The following MTA3 variants were observed in gnomAD, a reference collection of about 807,000 sequenced individuals.
The protein encoded by MTA3 is metastasis-associated protein MTA3.
Under a neutral mutation model 83.5 loss-of-function variants are expected in MTA3, and 34 were observed. The ratio of observed to expected loss-of-function variants is 0.41; its 90% CI spans 0.31 to 0.54. The LOEUF (loss-of-function observed/expected upper bound fraction) is 0.54. Among genes scored for constraint, MTA3 ranks in the 20% least tolerant of loss-of-function variants. The probability of loss-of-function intolerance (pLI) is 0.33; values close to 1 mark genes in which losing one functional copy is unlikely to be tolerated. For missense variants in MTA3, 761 were observed against 726.4 expected, an observed-to-expected ratio of 1.05 and a Z score of -0.55; for synonymous variants, 303 against 252.7, an observed-to-expected ratio of 1.20 and a Z score of -1.89.
At chr2:42,555,666 G>A (rs577137118) in intron 2 of MTA3, among the ~76,000 whole-genome samples, 3 of 151,998 alleles carry the variant, frequency 2.0e-5, no homozygotes, top group Non-Finnish European at 4.4e-5. Context: ...TACTTGGGAG[G>A]CTGAGGCAGG....
intron 3 of MTA3, among the ~76,000 whole-genome samples, chr2:42,597,034 A>G (rs943587275): frequency 6.6e-6 from 1 of 150,636 alleles, no homozygotes; most frequent in Admixed American, 6.6e-5. Context: ...CCTCCTGAGT[A>G]GCTGGGACAA....
At chr2:42,557,193 A>T (rs1394995277) in intron 2 of MTA3, among the ~76,000 whole-genome samples, 2 of 152,138 alleles carry the variant, frequency 1.3e-5, no homozygotes, top group Non-Finnish European at 2.9e-5. Flanking sequence ...CAGTGAGCAG[A>T]TATCGCACCA....
At chr2:42,598,748 C>T (rs1486979800) in intron 3 of MTA3, among the ~76,000 whole-genome samples, 3 of 152,166 alleles carry the variant, frequency 2.0e-5, no homozygotes, top group Non-Finnish European at 2.9e-5. Flanking sequence ...TACCTTATTA[C>T]CCTTCCTGTG....
chr2:42,739,906 C>T (rs1442115222), intron 16 of MTA3, among the ~76,000 whole-genome samples: 3 of 152,222 alleles, frequency 2.0e-5, no homozygotes, highest in Admixed American at 6.5e-5. Flanking sequence ...AGCAATTTAG[C>T]CACATCTTCA....
chr2:42,567,697 T>C (rs1470258730), upstream of MTA3, among the ~76,000 whole-genome samples: 1 of 152,098 alleles, frequency 6.6e-6, no homozygotes, highest in Non-Finnish European at 1.5e-5. Flanking sequence ...AAACAGAGGT[T>C]GTTTAGAGAA....
intron 2 of MTA3, among the ~76,000 whole-genome samples, chr2:42,577,105 A>ATATAT (rs1553347510): frequency 1.2e-3 from 100 of 86,916 alleles, no homozygotes; most frequent in African/African-American, 5.0e-3. Flanking sequence ...AAAAAAAAAA[A>ATATAT]ATATATATAT....
intron 2 of MTA3, among the ~76,000 whole-genome samples, chr2:42,577,768 C>T (rs564548420): frequency 5.9e-5 from 9 of 152,162 alleles, no homozygotes; most frequent in South Asian, 2.1e-4. Flanking sequence ...TGTGAGCCAC[C>T]GCACCCGGCC....
At chr2:42,699,710 A>G (rs1439351044) in intron 11 of MTA3, among the ~76,000 whole-genome samples, 1 of 152,166 alleles carries the variant, frequency 6.6e-6, no homozygotes, top group African/African-American at 2.4e-5. Context: ...TGTTAAGCTC[A>G]GAAACTGTGG....
intron 2 of MTA3, among the ~76,000 whole-genome samples, chr2:42,529,486 G>C (rs1675861093): frequency 6.6e-6 from 1 of 152,190 alleles, no homozygotes; most frequent in Non-Finnish European, 1.5e-5. Flanking sequence ...AAGAGAGAAA[G>C]ACCTTCTGCA....
intron 2 of MTA3, among the ~76,000 whole-genome samples, chr2:42,533,831 CAA>C (rs11362156): frequency 0.37 from 42,732 of 114,958 alleles, 6,341 homozygotes; most frequent in South Asian, 0.42. Flanking sequence ...GACTCCGTCT[CAA>C]AAAAAAAAAA....
chr2:42,662,030 CT>C (rs1283044985), intron 8 of MTA3, among the ~76,000 whole-genome samples: 2 of 152,018 alleles, frequency 1.3e-5, no homozygotes, highest in Non-Finnish European at 2.9e-5. Context: ...CATAAATATT[CT>C]TTTGCATATG....
At chr2:42,618,029 C>CA (rs1685116155) in intron 4 of MTA3, among the ~76,000 whole-genome samples, 1 of 151,972 alleles carries the variant, frequency 6.6e-6, no homozygotes, top group Non-Finnish European at 1.5e-5. Flanking sequence ...ACTGTAGCCT[C>CA]AAACTTCTGG....
chr2:42,677,452 C>T (rs969950653), intron 8 of MTA3, among the ~76,000 whole-genome samples: 1 of 152,114 alleles, frequency 6.6e-6, no homozygotes, highest in Non-Finnish European at 1.5e-5. Context: ...AAGTGATTCT[C>T]CTGCCTCAGC....
chr2:42,574,853 T>G (rs1305852436), intron 2 of MTA3, among the ~76,000 whole-genome samples: 3 of 152,130 alleles, frequency 2.0e-5, no homozygotes, highest in Admixed American at 1.3e-4. Flanking sequence ...TGCCTTTGCA[T>G]TAAAAAAAAA....
At position 42,524,189 on chromosome 2, in the gene MTA3, G is replaced by A. The variant is rs558372295; in HGVS notation, c.-141+28935G>A. 4.6e-5 allele frequency among the ~76,000 whole-genome samples: 7 copies of A among 152,106 alleles called. No individual in the cohort carries two copies. In the South Asian group the frequency reaches 1.5e-3, roughly 32 times the overall value. On this transcript the variant is annotated intron_variant, in intron 2 of 17. Transcript: ENST00000405592. Reference sequence around the variant, plus strand: ...CCATTGGAGACACAAAGTAGTTCCTGGGCTTTGTACACTCTTCCCCTGGTA... The same window carrying A: ...CCATTGGAGACACAAAGTAGTTCCTAGGCTTTGTACACTCTTCCCCTGGTA...
intron 2 of MTA3, among the ~76,000 whole-genome samples, chr2:42,575,990 T>C (rs1038901328): frequency 5.3e-5 from 8 of 152,190 alleles, no homozygotes; most frequent in Admixed American, 3.9e-4. Context: ...AATGGTAGTT[T>C]GAATGGCTAA....
chr2:42,714,251 G>A (rs1172284295), intron 14 of MTA3, among the ~76,000 whole-genome samples: 1 of 152,074 alleles, frequency 6.6e-6, no homozygotes, highest in Non-Finnish European at 1.5e-5. Flanking sequence ...TGACTTGTGG[G>A]AACTTTTTAT....
chr2:42,715,019 A>G (rs527263673), intron 14 of MTA3, among the ~76,000 whole-genome samples: 13 of 151,028 alleles, frequency 8.6e-5, no homozygotes, highest in Non-Finnish European at 1.9e-4. Flanking sequence ...TGACCAGTCA[A>G]GTGACTTGAG....
intron 4 of MTA3, among the ~76,000 whole-genome samples, chr2:42,630,001 C>G (rs928535170): frequency 1.3e-5 from 2 of 152,046 alleles, no homozygotes; most frequent in East Asian, 3.9e-4. Flanking sequence ...AGGGTGGTCT[C>G]CTGACCTCAA....
Sources: allele counts gnomAD v4.1 joint callset (sites outside exome capture counted in the v4.1 genomes callset), GRCh38; gene constraint gnomAD v4.1.1; transcripts MANE v1.5; gene names NCBI Gene and HGNC (gene_info 2026-07-23, HGNC 2026-07-21).